The following CDH2 variants were observed in gnomAD, a reference collection of about 807,000 sequenced individuals.
CDH2 encodes the protein cadherin 2, also known as cadherin-2.
CDH2 carries 17 observed loss-of-function variants against 92.0 expected under a neutral mutation model. The ratio of observed to expected loss-of-function variants is 0.18; its 90% confidence interval spans 0.13 to 0.28. CDH2 has a LOEUF of 0.28. Among genes scored for constraint, CDH2 ranks in the 10% least tolerant of loss-of-function variants. CDH2 has a pLI of 1.00. For missense variants in CDH2, 862 were observed against 1,133.1 expected (o/e 0.76, Z 3.44); for synonymous variants, 419 against 415.9 (o/e 1.01, Z -0.09).
In CDH2 at chr18:28,177,084, A is replaced by C. The variant is rs113469494; in HGVS notation, c.-62T>G. The C allele has an allele frequency of 0.17, 174,629 of 1,003,918 alleles. 11,450 individuals are homozygous for C. The highest frequency in any genetic ancestry group is 0.21 in the Admixed American group (8,286 of 40,388). The allele number at this position is 1,003,918 out of a possible 1,614,324, so 62.2% of individuals were successfully genotyped here. On this transcript the variant is annotated 5_prime_UTR_variant, in exon 1 of 16. Transcript: ENST00000269141. ...GCGGCGGCGGCGGCGGCGGCGGCGG[A>C]GGAGGAGGAGGCAGCGGCAGCACCA... is the stretch of plus-strand genomic sequence containing the variant.
intron 1 of CDH2, among the ~76,000 whole-genome samples, chr18:28,155,035 AATTAC>A (rs1290849022): frequency 2.0e-5 from 3 of 152,290 alleles, no homozygotes; most frequent in African/African-American, 7.2e-5. Context: ...ATCTTGTAAC[AATTAC>A]ATTATTGTTT....
At chr18:27,982,706 T>C (rs1389297631) in intron 14 of CDH2, among the ~76,000 whole-genome samples, 4 of 151,930 alleles carry the variant, frequency 2.6e-5, no homozygotes, top group African/African-American at 9.7e-5. Context: ...TAACTAGAAT[T>C]GGGTTTAAAG....
At chr18:28,046,638 A>G (rs1414585526) in intron 2 of CDH2, among the ~76,000 whole-genome samples, 1 of 152,164 alleles carries the variant, frequency 6.6e-6, no homozygotes, top group East Asian at 1.9e-4. Context: ...CTTCTATGAA[A>G]TTTTGTCACA....
intron 14 of CDH2, among the ~76,000 whole-genome samples, chr18:27,966,797 G>C (rs2011544015): frequency 6.6e-6 from 1 of 152,108 alleles, no homozygotes; most frequent in Non-Finnish European, 1.5e-5. Context: ...AAGAACCAGA[G>C]AGCAGGAAGA....
chr18:28,062,216 T>G (rs941101389), intron 2 of CDH2, among the ~76,000 whole-genome samples: 1 of 152,236 alleles, frequency 6.6e-6, no homozygotes, highest in African/African-American at 2.4e-5. Flanking sequence ...TCTAGCCATT[T>G]ATCTCTTTTT....
intron 2 of CDH2, among the ~76,000 whole-genome samples, chr18:28,023,434 T>C (rs2013462548): frequency 6.6e-6 from 1 of 152,080 alleles, no homozygotes; most frequent in South Asian, 2.1e-4. Flanking sequence ...AGTGATTCTC[T>C]TGCTTCAGCC....
intron 14 of CDH2, among the ~76,000 whole-genome samples, chr18:27,972,734 T>C (rs2011697676): frequency 1.3e-5 from 2 of 152,214 alleles, no homozygotes; most frequent in South Asian, 2.1e-4. Context: ...TCTATGAGTG[T>C]TGCCAGGTGC....
intron 11 of CDH2, among the ~76,000 whole-genome samples, chr18:27,987,853 A>AC (rs1419424774): frequency 6.6e-6 from 1 of 152,176 alleles, no homozygotes; most frequent in Non-Finnish European, 1.5e-5. Context: ...CGGAGTCTGC[A>AC]CCTGGGGGTC....
At chr18:27,956,316 G>A (rs1386332647) in intron 15 of CDH2, among the ~76,000 whole-genome samples, 1 of 152,168 alleles carries the variant, frequency 6.6e-6, no homozygotes, top group Non-Finnish European at 1.5e-5. Flanking sequence ...AAGCTGAACT[G>A]TCTTCTAAAG....
chr18:28,093,931 G>C (rs890524628), intron 2 of CDH2, among the ~76,000 whole-genome samples: 2 of 152,152 alleles, frequency 1.3e-5, no homozygotes, highest in African/African-American at 4.8e-5. Flanking sequence ...GGAAACAGCG[G>C]GGTGCCTGAG....
chr18:28,041,370 G>T (rs1272818707), intron 2 of CDH2, among the ~76,000 whole-genome samples: 9 of 152,050 alleles, frequency 5.9e-5, no homozygotes. Flanking sequence ...AAAACAAACA[G>T]AATTCAATTA....
chr18:28,098,702 A>T, intron 2 of CDH2, among the ~76,000 whole-genome samples: 1 of 152,132 alleles, frequency 6.6e-6, no homozygotes. Context: ...CACACAAATG[A>T]GGAAACATGA....
chr18:28,072,579 A>G (rs1362513852), intron 2 of CDH2, among the ~76,000 whole-genome samples: 1 of 143,876 alleles, frequency 7.0e-6, no homozygotes, highest in Non-Finnish European at 1.6e-5. Context: ...CAAGTAACCA[A>G]TTAAGAGTTC....
At chr18:28,165,906 T>C (rs1243145055) in intron 1 of CDH2, among the ~76,000 whole-genome samples, 1 of 151,792 alleles carries the variant, frequency 6.6e-6, no homozygotes, top group Non-Finnish European at 1.5e-5. Flanking sequence ...ATGCCAAATG[T>C]ATTATTGTGT....
At chr18:28,069,116 A>G (rs1432236466) in intron 2 of CDH2, among the ~76,000 whole-genome samples, 1 of 152,186 alleles carries the variant, frequency 6.6e-6, no homozygotes, top group East Asian at 1.9e-4. Flanking sequence ...CACTTTGAAA[A>G]TTATAGTAAA....
At chr18:28,166,149 C>CATATATATATATATATATAT (rs35562216) in intron 1 of CDH2, among the ~76,000 whole-genome samples, 4,724 of 58,686 alleles carry the variant, frequency 0.08, 557 homozygotes, top group African/African-American at 0.13. Flanking sequence ...CAGACACACT[C>CATATATATATATATATATAT]ATATATATAT....
intron 2 of CDH2, among the ~76,000 whole-genome samples, chr18:28,019,652 C>T (rs2013354462): frequency 6.6e-6 from 1 of 152,114 alleles, no homozygotes; most frequent in African/African-American, 2.4e-5. Flanking sequence ...GTATAAAGGT[C>T]AGTCATTTAA....
In CDH2 at chr18:27,943,756, G is replaced by A. The variant is rs998369827; in HGVS notation, c.1152-10632C>T. Reference sequence around the variant, plus strand: ...TTACACAAGACTGGCCATAGTTTTGGTTCAACGCAGTCTCTGAGGCCATGT... The same window carrying A: ...TTACACAAGACTGGCCATAGTTTTGATTCAACGCAGTCTCTGAGGCCATGT... On this transcript the variant is annotated intron_variant, in intron 6 of 6. Transcript: ENST00000675173. Among the ~76,000 whole-genome samples the A allele has an allele frequency of 2.6e-5, 4 of 152,212 alleles. No individual in the cohort carries two copies. In the South Asian group the frequency reaches 8.3e-4, roughly 32 times the overall value.
intron 2 of CDH2, among the ~76,000 whole-genome samples, chr18:28,107,489 C>T (rs1245519676): frequency 6.6e-6 from 1 of 151,868 alleles, no homozygotes. Flanking sequence ...AATAAAAAGT[C>T]CAATGTAGAA....
Sources: allele counts gnomAD v4.1 joint callset (sites outside exome capture counted in the v4.1 genomes callset), GRCh38; gene constraint gnomAD v4.1.1; transcripts MANE v1.5; gene names NCBI Gene and HGNC (gene_info 2026-07-23, HGNC 2026-07-21).